The following CBFA2T2 variants were observed in gnomAD, a reference collection of about 807,000 sequenced individuals.
CBFA2T2 encodes protein CBFA2T2.
A neutral mutation model predicts 62.2 loss-of-function variants in CBFA2T2; 11 were observed. The observed-to-expected ratio is 0.18, with a 90% CI of 0.11 to 0.29. The LOEUF (loss-of-function observed/expected upper bound fraction) is 0.29, where lower values mean the gene tolerates loss of function less well. CBFA2T2 is among the 10% of genes least tolerant of loss of function. The probability of loss-of-function intolerance (pLI) is 1.00; values close to 1 mark genes in which losing one functional copy is unlikely to be tolerated. For synonymous variants in CBFA2T2, 295 were observed against 287.5 expected, an observed-to-expected ratio of 1.03 and a Z score of -0.27; for missense variants, 592 against 774.1, an observed-to-expected ratio of 0.76 and a Z score of 2.79.
At chr20:33,588,044 C>T (rs1341437959) in intron 1 of CBFA2T2, among the ~76,000 whole-genome samples, 1 of 152,140 alleles carries the variant, frequency 6.6e-6, no homozygotes, top group East Asian at 1.9e-4. Flanking sequence ...ACTGAGAGAA[C>T]TATTACTTTT....
intron 1 of CBFA2T2, among the ~76,000 whole-genome samples, chr20:33,512,177 CA>C (rs1358763738): frequency 6.6e-6 from 1 of 151,388 alleles, no homozygotes. Flanking sequence ...ACTCTGTCTT[CA>C]AAAAACAAAA....
chr20:33,579,165 G>A (rs1180470033), intron 1 of CBFA2T2, among the ~76,000 whole-genome samples: 10 of 149,628 alleles, frequency 6.7e-5, no homozygotes. Flanking sequence ...CCAGGCTGGA[G>A]TGCTGTGATT....
At chr20:33,623,395 G>A in intron 5 of CBFA2T2, 99 bp downstream of exon 5, 1 of 1,414,686 alleles carries the variant, frequency 7.1e-7, no homozygotes, top group Non-Finnish European at 9.8e-7. Flanking sequence ...TGGTTGTAAT[G>A]TCTCAAACTT....
intron 6 of CBFA2T2, among the ~76,000 whole-genome samples, chr20:33,627,842 C>G (rs1451604841): frequency 6.6e-6 from 1 of 152,184 alleles, no homozygotes; most frequent in Non-Finnish European, 1.5e-5. Context: ...ACAATTCTTA[C>G]TGGTATACCC....
In CBFA2T2 at chr20:33,537,811, G is replaced by A. The variant is rs74409582; in HGVS notation, c.34+47510G>A. 5.6e-3 allele frequency among the ~76,000 whole-genome samples: 848 copies of A among 152,218 alleles called. 7 individuals carry two copies. Among genetic ancestry groups the A allele is most frequent in the African/African-American group, 0.02 (815 of 41,536 alleles). Reference sequence around the variant, plus strand: ...TCAAAAATCAGTTGTTTATATATCTGTGGGTCTGTTTCTGGACTCTGTTCC... The same window carrying A: ...TCAAAAATCAGTTGTTTATATATCTATGGGTCTGTTTCTGGACTCTGTTCC... On this transcript the variant is annotated intron_variant, in intron 1 of 10. Transcript: ENST00000342704.
At chr20:33,611,749 A>T (rs931832264) in intron 3 of CBFA2T2, among the ~76,000 whole-genome samples, 1 of 152,130 alleles carries the variant, frequency 6.6e-6, no homozygotes, top group African/African-American at 2.4e-5. Flanking sequence ...TCCTAGCCTC[A>T]AGCAGTCTGC....
chr20:33,600,078 A>G (rs1347152353), intron 1 of CBFA2T2, among the ~76,000 whole-genome samples: 1 of 150,404 alleles, frequency 6.6e-6, no homozygotes, highest in Admixed American at 6.6e-5. Flanking sequence ...AGCATGTACT[A>G]TGTCCATAAT....
Position 33,490,257 on chromosome 20 carries a change from G to A in CBFA2T2, c.-11G>A. 8.1e-7 allele frequency: 1 copy of A among 1,239,032 alleles called. No homozygotes were observed. The highest frequency in any genetic ancestry group is 3.2e-5 in the East Asian group (1 of 31,590). The allele number at this position is 1,239,032 out of a possible 1,614,324, so 76.8% of individuals were successfully genotyped here. On this transcript the variant is annotated 5_prime_UTR_variant, in exon 1 of 11. Transcript: ENST00000342704. ...GTAGAGGCGGGCGGCGCGCGGCGGC[G>A]GCGCTCGGCGATGGTAGGCGTCCCT...
Position 33,490,126 on chromosome 20 carries a change from G to T in CBFA2T2, c.-142G>T. ...CGGCGGCGACGGCGACAGCAGCGGT[G>T]GTGGTGTCTGGTTAGCTCGGCGGCT... is the stretch of plus-strand genomic sequence containing the variant. On this transcript the variant is annotated 5_prime_UTR_variant, in exon 1 of 11. Transcript: ENST00000342704. The T allele has an allele frequency of 1.2e-6, 1 of 817,858 alleles. No individual in the cohort carries two copies. Among genetic ancestry groups the T allele is most frequent in the Non-Finnish European group, 1.6e-6 (1 of 631,692 alleles). 50.7% of individuals were successfully genotyped at this position (817,858 alleles called of 1,614,324 possible).
chr20:33,628,347 T>C lies in CBFA2T2; in HGVS notation c.947-3T>C, dbSNP rs1360562114. The C allele has an allele frequency of 1.2e-6, 2 of 1,602,198 alleles. No homozygotes were observed. The highest frequency in any genetic ancestry group is 4.5e-5 in the East Asian group (2 of 44,840). Reference sequence around the variant, plus strand: ...TTTGAATTTAATCTGTAATTTCTAATAGGTCTAAATGGAGGCTATCAAGAT... The same window carrying C: ...TTTGAATTTAATCTGTAATTTCTAACAGGTCTAAATGGAGGCTATCAAGAT... On this transcript the variant is annotated splice_region_variant and splice_polypyrimidine_tract_variant and intron_variant, in intron 6 of 10. Coordinates refer to ENST00000342704, the MANE Select transcript of CBFA2T2 (RefSeq NM_001032999.3).
At chr20:33,492,434 C>T (rs2011153916) in intron 1 of CBFA2T2, among the ~76,000 whole-genome samples, 1 of 151,678 alleles carries the variant, frequency 6.6e-6, no homozygotes, top group South Asian at 2.1e-4. Flanking sequence ...AAGATTGTGT[C>T]CAAATTTCTT....
intron 9 of CBFA2T2, among the ~76,000 whole-genome samples, chr20:33,638,233 C>T (rs950751456): frequency 6.6e-6 from 1 of 151,986 alleles, no homozygotes; most frequent in Non-Finnish European, 1.5e-5. Flanking sequence ...CCTTGGCCTC[C>T]CAAAGTGCTA....
chr20:33,624,554 C>CTTT (rs1273947772), intron 5 of CBFA2T2, among the ~76,000 whole-genome samples: 1 of 152,144 alleles, frequency 6.6e-6, no homozygotes, highest in Non-Finnish European at 1.5e-5. Context: ...GATTTGACCT[C>CTTT]TTTTTTCATG....
intron 1 of CBFA2T2, among the ~76,000 whole-genome samples, chr20:33,588,762 C>T (rs1375013841): frequency 6.6e-6 from 1 of 152,072 alleles, no homozygotes; most frequent in Non-Finnish European, 1.5e-5. Context: ...GCTTGACCAA[C>T]ATGATGAAAC....
intron 1 of CBFA2T2, among the ~76,000 whole-genome samples, chr20:33,508,261 A>T (rs2011438031): frequency 6.6e-6 from 1 of 151,866 alleles, no homozygotes; most frequent in African/African-American, 2.4e-5. Context: ...CACCTGGCTA[A>T]TTTTTGTGTT....
intron 1 of CBFA2T2, among the ~76,000 whole-genome samples, chr20:33,551,202 T>A (rs1034607184): frequency 6.6e-5 from 10 of 151,558 alleles, no homozygotes; most frequent in African/African-American, 2.4e-4. Flanking sequence ...ATTTTTGACT[T>A]CCATTTATTT....
intron 1 of CBFA2T2, among the ~76,000 whole-genome samples, chr20:33,554,014 A>G (rs1398019391): frequency 1.3e-5 from 2 of 152,038 alleles, no homozygotes; most frequent in Non-Finnish European, 2.9e-5. Flanking sequence ...AAATAAAAAG[A>G]TTGGTTTGGT....
intron 1 of CBFA2T2, among the ~76,000 whole-genome samples, chr20:33,584,362 T>C (rs563540113): frequency 7.3e-5 from 11 of 151,500 alleles, no homozygotes; most frequent in African/African-American, 2.7e-4. Flanking sequence ...ACCTCCCAGG[T>C]TCACACCATT....
chr20:33,507,352 C>G (rs2011421067), intron 1 of CBFA2T2, among the ~76,000 whole-genome samples: 1 of 152,142 alleles, frequency 6.6e-6, no homozygotes, highest in African/African-American at 2.4e-5. Context: ...TAACATCCTA[C>G]CAAGGATGGG....
Sources: allele counts gnomAD v4.1 joint callset (sites outside exome capture counted in the v4.1 genomes callset), GRCh38; gene constraint gnomAD v4.1.1; transcripts MANE v1.5; gene names NCBI Gene and HGNC (gene_info 2026-07-23, HGNC 2026-07-21).